TNNI3K: variants seen among roughly 807,000 people sequenced by gnomAD.
TNNI3K encodes serine/threonine-protein kinase TNNI3K.
TNNI3K carries 140 observed loss-of-function variants against 114.5 expected under a neutral mutation model. The ratio of observed to expected loss-of-function variants is 1.22; its 90% CI spans 1.07 to 1.41. The LOEUF (loss-of-function observed/expected upper bound fraction) is 1.41, where lower values mean the gene tolerates loss of function less well. Among genes scored for constraint, TNNI3K ranks in the 40% most tolerant of loss-of-function variants. The pLI, the probability that TNNI3K is intolerant of heterozygous loss-of-function variation, is 0.00. For missense variants in TNNI3K, 1,125 were observed against 1,007.6 expected (o/e 1.12, Z -1.58); for synonymous variants, 347 against 347.5 (o/e 1.00, Z 0.02).
At chr1:74,276,148 T>C (rs1331600976) in intron 5 of TNNI3K, among the ~76,000 whole-genome samples, 2 of 152,154 alleles carry the variant, frequency 1.3e-5, no homozygotes, top group Admixed American at 6.6e-5. Context: ...TCCACACATG[T>C]TGATTTTCTG....
intron 17 of TNNI3K, among the ~76,000 whole-genome samples, chr1:74,395,392 G>T (rs911986277): frequency 2.6e-5 from 4 of 152,082 alleles, no homozygotes; most frequent in Admixed American, 6.5e-5. Flanking sequence ...CATCCCACCT[G>T]ATTTAGGTGG....
intron 23 of TNNI3K, among the ~76,000 whole-genome samples, chr1:74,515,978 GA>G: frequency 6.6e-6 from 1 of 152,300 alleles, no homozygotes; most frequent in African/African-American, 2.4e-5. Context: ...TGCCTTTGCA[GA>G]AAATGTAAAT....
Position 74,518,873 on chromosome 1 carries a change from C to CTTTTTTTTTTTT in TNNI3K, c.2352-21361_2352-21360insTTTTTTTTTTTT, listed in dbSNP as rs1646388103. ...TTTTATTTTATTTTATTTTTTTTCC[C>CTTTTTTTTTTTT]CTTTTTTTTTTTTTTTTTTTTATTA... On this transcript the variant is annotated intron_variant, in intron 23 of 24. Coordinates refer to ENST00000326637, the MANE Select transcript of TNNI3K (RefSeq NM_015978.3). 3.4e-4 allele frequency among the ~76,000 whole-genome samples: 34 copies of CTTTTTTTTTTTT among 100,362 alleles called. 1 individual carries two copies. The highest frequency in any genetic ancestry group is 5.2e-4 in the Admixed American group (5 of 9,612). 65.8% of individuals were successfully genotyped at this position (100,362 alleles called of 152,430 possible).
rs184629416 is a variant in TNNI3K at position 74,541,891 on chromosome 1, A to G, written c.2431+1578A>G. ...TATTCTATTTCATAAACTGATCGCA[A>G]TATAACAACAATTTTATGAGCTTCT... On this transcript the variant is annotated intron_variant, in intron 24 of 24. Transcript: ENST00000326637. Among the ~76,000 whole-genome samples the G allele has an allele frequency of 1.9e-3, 282 of 152,346 alleles. 4 individuals carry two copies. The highest frequency in any genetic ancestry group is 3.7e-3 in the Admixed American group (56 of 15,294).
intron 5 of TNNI3K, among the ~76,000 whole-genome samples, chr1:74,310,463 A>C (rs1179813693): frequency 6.6e-6 from 1 of 152,196 alleles, no homozygotes; most frequent in Non-Finnish European, 1.5e-5. Flanking sequence ...GAAGTAGAAA[A>C]AAATTCTAAA....
At chr1:74,293,493 A>G (rs1359810249) in intron 5 of TNNI3K, among the ~76,000 whole-genome samples, 6 of 151,756 alleles carry the variant, frequency 4.0e-5, no homozygotes. Flanking sequence ...GATTTTTGAT[A>G]GAACTATTTT....
At chr1:74,530,194 A>G (rs1646562829) in intron 23 of TNNI3K, among the ~76,000 whole-genome samples, 1 of 152,172 alleles carries the variant, frequency 6.6e-6, no homozygotes, top group South Asian at 2.1e-4. Flanking sequence ...TCATGTCTGT[A>G]TTCCTAATAT....
chr1:74,309,077 A>G (rs893130115), intron 5 of TNNI3K, among the ~76,000 whole-genome samples: 2 of 151,986 alleles, frequency 1.3e-5, no homozygotes, highest in African/African-American at 4.8e-5. Context: ...AGGTGTAAAA[A>G]GAAGAGATAG....
At chr1:74,363,988 A>ATTATTATTATTATTATTATTC (rs1266879012) in intron 11 of TNNI3K, among the ~76,000 whole-genome samples, 1 of 146,004 alleles carries the variant, frequency 6.8e-6, no homozygotes, top group East Asian at 2.0e-4. Context: ...TATTATTATT[A>ATTATTATTATTATTATTATTC]TTATTATTAT....
At chr1:74,480,674 C>A (rs866742622) in intron 21 of TNNI3K, 1 of 717,312 alleles carries the variant, frequency 1.4e-6, no homozygotes, top group Non-Finnish European at 2.6e-6. Flanking sequence ...GCTTGTGTTT[C>A]GGAACCAAGA....
intron 7 of TNNI3K, among the ~76,000 whole-genome samples, chr1:74,340,782 A>C (rs1660711625): frequency 6.6e-6 from 1 of 152,116 alleles, no homozygotes; most frequent in South Asian, 2.1e-4. Context: ...AACTGTTCTC[A>C]AGCATTGACT....
intron 20 of TNNI3K, among the ~76,000 whole-genome samples, chr1:74,449,179 G>T (rs1322722576): frequency 2.0e-5 from 3 of 151,372 alleles, no homozygotes; most frequent in Non-Finnish European, 4.4e-5. Context: ...ACTTCTTCCT[G>T]GTTTAGTCTT....
chr1:74,253,395 C>T (rs1043332600), intron 4 of TNNI3K, among the ~76,000 whole-genome samples: 5 of 152,096 alleles, frequency 3.3e-5, no homozygotes, highest in East Asian at 3.9e-4. Flanking sequence ...GGGGGCAGCA[C>T]GCTTTGGGTA....
chr1:74,420,274 C>T (rs929075723), intron 17 of TNNI3K, among the ~76,000 whole-genome samples: 1 of 152,046 alleles, frequency 6.6e-6, no homozygotes, highest in African/African-American at 2.4e-5. Context: ...TATTTTAAAA[C>T]TGCTGTTTGA....
At chr1:74,365,338 G>T (rs1224903117) in intron 11 of TNNI3K, among the ~76,000 whole-genome samples, 1 of 152,006 alleles carries the variant, frequency 6.6e-6, no homozygotes, top group Non-Finnish European at 1.5e-5. Context: ...CACCTGTAAA[G>T]CTCTACATCA....
At chr1:74,407,103 A>G (rs1423449286) in intron 17 of TNNI3K, among the ~76,000 whole-genome samples, 4 of 152,186 alleles carry the variant, frequency 2.6e-5, no homozygotes, top group Non-Finnish European at 5.9e-5. Flanking sequence ...CATGATGTTC[A>G]ACAAAGCCAA....
At chr1:74,252,706 G>A (rs1045132697) in intron 4 of TNNI3K, among the ~76,000 whole-genome samples, 2 of 151,710 alleles carry the variant, frequency 1.3e-5, no homozygotes, top group Non-Finnish European at 2.9e-5. Context: ...CTCTTAAGGC[G>A]GCACGTCTGG....
intron 5 of TNNI3K, among the ~76,000 whole-genome samples, chr1:74,310,616 A>G (rs1557489528): frequency 6.6e-6 from 1 of 152,186 alleles, no homozygotes; most frequent in Non-Finnish European, 1.5e-5. Context: ...GTACAAAGAT[A>G]GGCATATAGA....
At chr1:74,306,879 T>C (rs752825940) in intron 5 of TNNI3K, among the ~76,000 whole-genome samples, 16 of 152,228 alleles carry the variant, frequency 1.1e-4, no homozygotes, top group Non-Finnish European at 2.2e-4. Context: ...GTCCCACTTG[T>C]TAATTTTTGT....
Sources: allele counts gnomAD v4.1 joint callset (sites outside exome capture counted in the v4.1 genomes callset), GRCh38; gene constraint gnomAD v4.1.1; transcripts MANE v1.5; gene names NCBI Gene and HGNC (gene_info 2026-07-23, HGNC 2026-07-21).